Variants in ZMYM6 observed in about 807,000 individuals in gnomAD.
ZMYM6 encodes zinc finger MYM-type containing 6.
ZMYM6 carries 90 observed loss-of-function variants against 134.0 expected under a neutral mutation model. The observed-to-expected ratio is 0.67, with a 90% confidence interval of 0.57 to 0.80. The LOEUF is 0.80. Among genes scored for constraint, ZMYM6 ranks in the 30% least tolerant of loss-of-function variants. The pLI, the probability that ZMYM6 is intolerant of heterozygous loss-of-function variation, is 0.00. For missense variants in ZMYM6, 1,362 were observed against 1,533.9 expected (o/e 0.89, Z 1.87); for synonymous variants, 481 against 524.1 (o/e 0.92, Z 1.12).
At position 35,030,726 on chromosome 1, in the gene ZMYM6, C is replaced by T. The variant is rs1641505755; in HGVS notation, c.-74-13G>A. 7.8e-7 allele frequency: 1 copy of T among 1,282,372 alleles called. No individual in the cohort carries two copies. The highest frequency in any genetic ancestry group is 1.1e-6 in the Non-Finnish European group (1 of 908,684). 79.4% of individuals were successfully genotyped at this position (1,282,372 alleles called of 1,614,324 possible). A position where few individuals can be genotyped will look rare whatever the true frequency, so the allele number is the denominator to read the frequency against. On this transcript the variant is annotated splice_polypyrimidine_tract_variant and intron_variant, in intron 1 of 15. Coordinates refer to ENST00000357182, the MANE Select transcript of ZMYM6 (RefSeq NM_007167.4). ...GATAGTTGGACACCTAAAATACATA[C>T]TCAGGCTTATTCTTTTTTCTTCAGG...
intron 11 of ZMYM6, among the ~76,000 whole-genome samples, chr1:35,007,983 A>G (rs897277142): frequency 1.3e-5 from 2 of 152,222 alleles, no homozygotes; most frequent in African/African-American, 4.8e-5. Context: ...TGATTCATTC[A>G]GCAAATATTT....
At chr1:34,995,022 C>T (rs957838511) in intron 14 of ZMYM6, among the ~76,000 whole-genome samples, 1 of 105,816 alleles carries the variant, frequency 9.5e-6, no homozygotes, top group Admixed American at 8.4e-5. Flanking sequence ...TACTTACATA[C>T]GTATATATAT....
rs1254767616 is a variant in ZMYM6, at chr1:35,008,893, T to C, written c.1524A>G (p.Gly508=). The change falls in exon 11 of 16, where the codon GGA becomes GGG. Residue 508 remains glycine (G), a synonymous_variant. Coordinates refer to ENST00000357182, the MANE Select transcript of ZMYM6 (RefSeq NM_007167.4). The stretch of plus-strand genomic sequence containing the variant: ...TCTTACAGTAGTTTCCCCATCGTTC[T>C]CCAAAGTCACGGGCAGAGAGGAATT... ...VCKFLSARDF[G]ERWGNYCKMC... is the part of the protein sequence containing the mutation. 1.2e-6 allele frequency: 2 copies of C among 1,612,968 alleles called. No individual in the cohort carries two copies. The highest frequency in any genetic ancestry group is 2.7e-5 in the African/African-American group (2 of 74,860).
In ZMYM6 at chr1:35,015,743, A is replaced by AAAAATATAT; in HGVS notation, c.429-582_429-581insATATATTTT. On this transcript the variant is annotated intron_variant, in intron 4 of 15. Transcript: ENST00000357182. ...CATCTCAAAAAAAAAAAAAAAAAAA[A>AAAAATATAT]ATATATATATATATATATGTGGCCA... Among the ~76,000 whole-genome samples, 37 of 106,466 alleles carry AAAAATATAT rather than the reference A, an allele frequency of 3.5e-4. 1 individual carries two copies. Among genetic ancestry groups the AAAAATATAT allele is most frequent in the African/African-American group, 2.4e-3 (37 of 15,170 alleles). The allele number at this position is 106,466 out of a possible 152,430, so 69.8% of individuals were successfully genotyped here.
At chr1:35,021,632 A>T (rs1162694930) in intron 2 of ZMYM6, among the ~76,000 whole-genome samples, 1 of 152,040 alleles carries the variant, frequency 6.6e-6, no homozygotes, top group Non-Finnish European at 1.5e-5. Context: ...AAAAAAAAAG[A>T]AAAAGAAAAA....
At chr1:35,004,047 C>A (rs1640922130) in intron 13 of ZMYM6, 42 bp from the exon 14 acceptor site, 3 of 1,509,542 alleles carry the variant, frequency 2.0e-6, no homozygotes, top group Admixed American at 1.8e-5. Flanking sequence ...TTAGAATATA[C>A]AGAAGTAAAC....
Position 34,987,350 on chromosome 1 carries a change from T to C in ZMYM6, c.3732A>G (p.Leu1244=), listed in dbSNP as rs1320301944. The change falls in exon 16 of 16, where the codon TTA becomes TTG. Residue 1244 remains leucine, a synonymous_variant. Coordinates refer to ENST00000357182, the MANE Select transcript of ZMYM6 (RefSeq NM_007167.4). ...KLTELSSDLG[L]QALFKSVSVT... ...CAGACACTGATTTAAATAGTGCTTGTAATCCTAAATCTGAAGATAGCTCTG... is the reference window on the plus strand; with the variant it reads ...CAGACACTGATTTAAATAGTGCTTGCAATCCTAAATCTGAAGATAGCTCTG... The C allele has an allele frequency of 6.2e-7, 1 of 1,613,838 alleles. No homozygotes were observed. Among genetic ancestry groups the C allele is most frequent in the Non-Finnish European group, 8.5e-7 (1 of 1,179,938 alleles).
Position 35,020,480 on chromosome 1 carries a change from A to G in ZMYM6, c.94-13T>C. On this transcript the variant is annotated splice_polypyrimidine_tract_variant and intron_variant, in intron 2 of 15. Coordinates refer to ENST00000357182, the MANE Select transcript of ZMYM6 (RefSeq NM_007167.4). ...CACATCCATACTCCTTTAAAAAAAA[A>G]AAGAAAAGAGAAAAGAGCAATGAAT... is the stretch of plus-strand genomic sequence containing the variant. 6.4e-7 allele frequency: 1 copy of G among 1,574,734 alleles called. No individual in the cohort carries two copies. The highest frequency in any genetic ancestry group is 8.6e-7 in the Non-Finnish European group (1 of 1,168,330).
At chr1:35,020,324 T>C (rs751417295) in intron 3 of ZMYM6, 59 bp downstream of exon 3, 1 of 1,472,844 alleles carries the variant, frequency 6.8e-7, no homozygotes, top group Non-Finnish European at 9.3e-7. Context: ...TTTCCCTCAA[T>C]TTTAAAAGTC....
intron 2 of ZMYM6, among the ~76,000 whole-genome samples, chr1:35,023,104 T>C (rs58881956): frequency 0.2 from 29,765 of 151,988 alleles, 6,764 homozygotes; most frequent in African/African-American, 0.54. Flanking sequence ...CACAAAATGC[T>C]AGTTCTTTTT....
chr1:35,010,416 T>C, intron 10 of ZMYM6, 31 bp downstream of exon 10: 2 of 1,594,380 alleles, frequency 1.3e-6, no homozygotes, highest in Non-Finnish European at 8.5e-7. Flanking sequence ...TAACAACCCA[T>C]GCTCTGTGAA....
chr1:35,022,212 G>T (rs1641324432), intron 2 of ZMYM6, among the ~76,000 whole-genome samples: 1 of 152,130 alleles, frequency 6.6e-6, no homozygotes, highest in Non-Finnish European at 1.5e-5. Flanking sequence ...TCAGCAACTT[G>T]CCCAAGGTCA....
In ZMYM6 at chr1:35,030,667, C is replaced by G. The variant is rs756879468; in HGVS notation, c.-28G>C. The G allele has an allele frequency of 1.1e-5, 17 of 1,592,826 alleles. No individual in the cohort carries two copies. Among genetic ancestry groups the G allele is most frequent in the Non-Finnish European group, 1.5e-5 (17 of 1,166,638 alleles). The stretch of plus-strand genomic sequence containing the variant: ...TAATTTTTTACCTCAAAGAGTGTCT[C>G]AGGCTCAAACGAATAGATTTCTTCT... On this transcript the variant is annotated 5_prime_UTR_variant, in exon 2 of 16. Transcript: ENST00000357182.
rs1290275695 is a variant in ZMYM6, at chr1:35,010,950, C to T, written c.1149G>A (p.Arg383=). ...TACCTCCTCCTATTGACACTGCTGA[C>T]CTGGAGGAGGGCGGGCTTACAACCA... ...GQVVVSPPSS[R]SAVSIGGGNT... The change falls in exon 9 of 16, where the codon AGG becomes AGA. Residue 383 remains arginine (R), a synonymous_variant. Transcript: ENST00000357182. 1.2e-6 allele frequency: 2 copies of T among 1,613,048 alleles called. No homozygotes were observed. Among genetic ancestry groups the T allele is most frequent in the Non-Finnish European group, 8.5e-7 (1 of 1,179,666 alleles).
At chr1:35,008,011 C>A (rs1051263746) in intron 11 of ZMYM6, among the ~76,000 whole-genome samples, 1 of 152,086 alleles carries the variant, frequency 6.6e-6, no homozygotes, top group Non-Finnish European at 1.5e-5. Context: ...CATCCTTTGT[C>A]TTAAGCACTG....
rs529639223 is a variant in ZMYM6 at position 35,012,915 on chromosome 1, T to C, written c.796-334A>G. The C allele has an allele frequency of 8.1e-6, 8 of 985,290 alleles. No individual in the cohort carries two copies. In the African/African-American group the frequency reaches 1.4e-4, roughly 17 times the overall value. 61.0% of individuals were successfully genotyped at this position (985,290 alleles called of 1,614,324 possible). On this transcript the variant is annotated intron_variant, in intron 6 of 15. Coordinates refer to ENST00000357182, the MANE Select transcript of ZMYM6 (RefSeq NM_007167.4). ...TAACCCATGAACCAAAGGGTCATTC[T>C]TGGTATAGTCTTGTACATCAATCTA...
At chr1:34,990,717 T>A (rs767901708) in intron 15 of ZMYM6, among the ~76,000 whole-genome samples, 39 of 152,100 alleles carry the variant, frequency 2.6e-4, no homozygotes, top group Middle Eastern at 3.2e-3. Context: ...TCTGCACATG[T>A]ACCCCCGAAT....
chr1:35,008,833 C>A lies in ZMYM6; in HGVS notation c.1584G>T (p.Leu528Phe), dbSNP rs1569770109. 2.5e-6 allele frequency: 4 copies of A among 1,614,096 alleles called. No homozygotes were observed. Among genetic ancestry groups the A allele is most frequent in the Admixed American group, 1.7e-5 (1 of 60,010 alleles). ...ACTTGCCCTCCAATCGATTTTCTAC[C>A]AAATTTGGGGATGTCTGTGAACAGT... The part of the protein sequence containing the change: ...CSYCSQTSPN[L>F]VENRLEGKLE... Residue 528 changes from leucine to phenylalanine, a missense_variant, in exon 11 of 16, where the codon TTG becomes TTT. Around this residue, in one of 3 missense-constraint regions of ZMYM6, gnomAD observed 824 missense variants for 940.9 expected, o/e 0.88. Transcript: ENST00000357182.
chr1:34,992,081 G>T, intron 15 of ZMYM6, 153 bp downstream of exon 15: 1 of 934,814 alleles, frequency 1.1e-6, no homozygotes. Context: ...AATTATGAAA[G>T]CAATAAATTA....
Sources: gnomAD v4.1 joint callset for allele counts (sites outside exome capture counted in the v4.1 genomes callset) on GRCh38, gnomAD v4.1.1 for gene constraint, gnomAD v4.1.1 regional missense constraint, MANE v1.5 for transcripts, NCBI Gene and HGNC (gene_info 2026-07-23, HGNC 2026-07-21) for gene names.